The following SLC25A48 variants were observed in gnomAD, a reference collection of about 807,000 sequenced individuals.
The protein encoded by SLC25A48 is CTC-321K16.1.
A neutral mutation model predicts 32.2 loss-of-function variants in SLC25A48; 29 were observed. That is an observed-to-expected ratio of 0.90 (90% CI 0.67 to 1.23). The LOEUF (loss-of-function observed/expected upper bound fraction) is 1.23. Ranked by LOEUF, SLC25A48 falls within the 50% of genes most tolerant of loss-of-function variation. The pLI is 0.00. For synonymous variants in SLC25A48, 164 were observed against 172.3 expected, an observed-to-expected ratio of 0.95 and a Z score of 0.38; for missense variants, 399 against 422.7, an observed-to-expected ratio of 0.94 and a Z score of 0.49.
At chr5:135,590,041 C>T (rs573110847) in intron 1 of SLC25A48, among the ~76,000 whole-genome samples, 1 of 152,254 alleles carries the variant, frequency 6.6e-6, no homozygotes, top group Non-Finnish European at 1.5e-5. Context: ...GAGGTAAATT[C>T]CCAGATTTGC....
intron 1 of SLC25A48, among the ~76,000 whole-genome samples, chr5:135,614,653 T>G (rs550021229): frequency 7.0e-4 from 106 of 152,378 alleles, no homozygotes; most frequent in Middle Eastern, 6.8e-3. Flanking sequence ...CATATGTTTT[T>G]TTCCCTTTTA....
intron 4 of SLC25A48, among the ~76,000 whole-genome samples, chr5:135,861,796 T>C (rs1261545549): frequency 2.0e-5 from 3 of 152,218 alleles, no homozygotes; most frequent in Non-Finnish European, 2.9e-5. Context: ...TTGGTACATA[T>C]TGTGAAATTG....
intron 3 of SLC25A48, among the ~76,000 whole-genome samples, chr5:135,785,440 AGGTGG>A (rs1275362319): frequency 1.8e-4 from 27 of 148,888 alleles, no homozygotes; most frequent in Non-Finnish European, 3.6e-4. Context: ...ATGCGGCGGG[AGGTGG>A]AACACCCCCT....
intron 3 of SLC25A48, among the ~76,000 whole-genome samples, chr5:135,695,856 G>T (rs1754254911): frequency 6.6e-6 from 1 of 152,206 alleles, no homozygotes; most frequent in African/African-American, 2.4e-5. Flanking sequence ...TGGGAGGGAG[G>T]TCAGCTCTTA....
intron 3 of SLC25A48, among the ~76,000 whole-genome samples, chr5:135,785,825 G>A (rs1159458253): frequency 1.3e-5 from 2 of 151,370 alleles, no homozygotes; most frequent in Non-Finnish European, 3.0e-5. Context: ...CCATAGGGCG[G>A]GGGTGGAACA....
At chr5:135,850,626 C>T (rs1178053871) in intron 3 of SLC25A48, 130 bp downstream of exon 3, 17 of 787,966 alleles carry the variant, frequency 2.2e-5, no homozygotes, top group Admixed American at 1.2e-4. Context: ...GCTTGATTTT[C>T]CCTACTTCAT....
chr5:135,587,840 T>C (rs1751407193), intron 1 of SLC25A48, among the ~76,000 whole-genome samples: 1 of 152,178 alleles, frequency 6.6e-6, no homozygotes, highest in Non-Finnish European at 1.5e-5. Context: ...AATGGAATCA[T>C]ATCAAAAGCA....
chr5:135,734,671 G>T (rs928313373), intron 3 of SLC25A48, among the ~76,000 whole-genome samples: 1 of 151,930 alleles, frequency 6.6e-6, no homozygotes, highest in Non-Finnish European at 1.5e-5. Context: ...AAAAAAATTA[G>T]CCGGGCGCAG....
chr5:135,619,109 C>G (rs1046215388), intron 1 of SLC25A48, among the ~76,000 whole-genome samples: 6 of 152,026 alleles, frequency 3.9e-5, no homozygotes, highest in African/African-American at 1.4e-4. Flanking sequence ...TTTCTTTTCA[C>G]CTTCTGGGAC....
Position 135,760,770 on chromosome 5 carries a change from CA to C in SLC25A48, c.-520-51750del, listed in dbSNP as rs898765148. Among the ~76,000 whole-genome samples, 54 of 152,316 alleles carry C rather than the reference CA, an allele frequency of 3.5e-4. 1 individual carries two copies. Among genetic ancestry groups the C allele is most frequent in the African/African-American group, 1.3e-3 (54 of 41,578 alleles). ...GCTTCTTGAAGGAAAGAATTAATCT[CA>C]AATTTCTGATATTCGACTTTGGATA... On this transcript the variant is annotated intron_variant, in intron 3 of 10. Transcript: ENST00000646290.
At chr5:135,844,166 G>A (rs1270645690) in intron 2 of SLC25A48, among the ~76,000 whole-genome samples, 2 of 152,178 alleles carry the variant, frequency 1.3e-5, no homozygotes, top group African/African-American at 2.4e-5. Flanking sequence ...CTAGCCTGTG[G>A]CCTCTGACTC....
At chr5:135,764,028 C>T (rs1346931834) in intron 3 of SLC25A48, among the ~76,000 whole-genome samples, 1 of 152,136 alleles carries the variant, frequency 6.6e-6, no homozygotes, top group African/African-American at 2.4e-5. Flanking sequence ...TATTACTCCC[C>T]ATATTTCGGG....
At chr5:135,754,331 A>C (rs1475165632) in intron 3 of SLC25A48, among the ~76,000 whole-genome samples, 2 of 152,154 alleles carry the variant, frequency 1.3e-5, no homozygotes, top group East Asian at 3.9e-4. Flanking sequence ...CTGTCTACAC[A>C]CAGGGTTATT....
In SLC25A48 at chr5:135,835,585, A is replaced by C. The variant is rs149600533; in HGVS notation, c.46+692A>C. Among the ~76,000 whole-genome samples, 211 of 141,424 alleles carry C rather than the reference A, an allele frequency of 1.5e-3. 1 individual carries two copies. The highest frequency in any genetic ancestry group is 5.4e-3 in the African/African-American group (202 of 37,250). The allele number at this position is 141,424 out of a possible 152,430, so 92.8% of individuals were successfully genotyped here. ...GGTTGCCTGGGCGAGAGTTGCATTC[A>C]TTTCCTTGCTTCTCCATTTTTCTTT... On this transcript the variant is annotated intron_variant, in intron 1 of 7. Coordinates refer to ENST00000681962, the MANE Select transcript of SLC25A48 (RefSeq NM_001349336.2).
chr5:135,765,620 C>G (rs1756194879), intron 3 of SLC25A48, among the ~76,000 whole-genome samples: 1 of 151,254 alleles, frequency 6.6e-6, no homozygotes, highest in African/African-American at 2.4e-5. Context: ...TGATGTGATT[C>G]ATAATATCTC....
intron 4 of SLC25A48, among the ~76,000 whole-genome samples, chr5:135,817,527 A>G (rs1342793662): frequency 2.6e-5 from 4 of 152,240 alleles, no homozygotes; most frequent in Admixed American, 6.5e-5. Flanking sequence ...AATAGCATCA[A>G]TGAACTCAAA....
chr5:135,713,450 G>T (rs1754718193), intron 3 of SLC25A48, among the ~76,000 whole-genome samples: 1 of 152,188 alleles, frequency 6.6e-6, no homozygotes, highest in Non-Finnish European at 1.5e-5. Context: ...CCCTGATGAG[G>T]CTTGTCATTG....
intron 3 of SLC25A48, among the ~76,000 whole-genome samples, chr5:135,812,046 C>T (rs35581405): frequency 0.22 from 33,751 of 152,034 alleles, 4,597 homozygotes; most frequent in East Asian, 0.44. Context: ...CGCACCACTG[C>T]ATTCCAGCCT....
intron 2 of SLC25A48, 27 bp from the exon 3 acceptor site, chr5:135,850,398 G>T: frequency 1.9e-6 from 3 of 1,613,256 alleles, no homozygotes; most frequent in Non-Finnish European, 2.5e-6. Context: ...CCTCTGCGCT[G>T]ACCCATGTCC....
Sources: gnomAD v4.1 joint callset for allele counts (sites outside exome capture counted in the v4.1 genomes callset) on GRCh38, gnomAD v4.1.1 for gene constraint, MANE v1.5 for transcripts, NCBI Gene and HGNC (gene_info 2026-07-23, HGNC 2026-07-21) for gene names.